The following PRKX variants were observed in gnomAD, a reference collection of about 807,000 sequenced individuals.
PRKX encodes protein kinase cAMP-dependent X-linked catalytic subunit.
PRKX carries 12 observed loss-of-function variants against 22.0 expected under a neutral mutation model. The observed-to-expected ratio is 0.54, with a 90% CI of 0.35 to 0.88. The LOEUF is 0.88. PRKX is among the 40% of genes least tolerant of loss of function. The pLI, the probability that PRKX is intolerant of heterozygous loss-of-function variation, is 0.01. For missense variants in PRKX, 217 were observed against 308.0 expected, an observed-to-expected ratio of 0.70 and a Z score of 2.21; for synonymous variants, 134 against 137.7, an observed-to-expected ratio of 0.97 and a Z score of 0.19.
chrX:3,609,398 T>C (rs985191147), intron 8 of PRKX, among the ~76,000 whole-genome samples: 11 of 111,778 alleles, frequency 9.8e-5, no homozygotes, highest in African/African-American at 3.6e-4. Context: ...TGACCTCAGA[T>C]GATCCATGCG....
chrX:3,702,149 T>C (rs1222627973), intron 1 of PRKX, among the ~76,000 whole-genome samples: 3 of 112,170 alleles, frequency 2.7e-5, no homozygotes, highest in African/African-American at 9.7e-5. Flanking sequence ...CCCTCCACTC[T>C]TGTCCTCTCA....
In PRKX at chrX:3,698,228, T is replaced by C. The variant is rs978744527; in HGVS notation, c.166+14860A>G. ...GCTGGGTGTACAACTACGGATCTTG[T>C]AGTGACTATCGTATATGCTGGCATA... On this transcript the variant is annotated intron_variant, in intron 1 of 8. Transcript: ENST00000262848. Among the ~76,000 whole-genome samples the C allele has an allele frequency of 4.5e-5, 5 of 112,014 alleles. No homozygotes were observed. The East Asian group carries it at 1.4e-3, about 31-fold the overall frequency.
In PRKX at chrX:3,698,509, TG is replaced by T. The variant is rs1421459688; in HGVS notation, c.166+14578del. Among the ~76,000 whole-genome samples the T allele has an allele frequency of 1.8e-3, 201 of 109,989 alleles. 2 individuals carry two copies. Among genetic ancestry groups the T allele is most frequent in the African/African-American group, 6.2e-3 (186 of 29,793 alleles). On this transcript the variant is annotated intron_variant, in intron 1 of 8. Transcript: ENST00000262848. ...GAAAAAGAAGTAGGTTTTCACTTTT[TG>T]TTGTTGTTGTTGTTGTTTTGTTTTT...
intron 5 of PRKX, among the ~76,000 whole-genome samples, chrX:3,622,184 A>G (rs1416577325): frequency 9.1e-6 from 1 of 109,794 alleles, no homozygotes; most frequent in Non-Finnish European, 1.9e-5. Context: ...ACAACAAAAA[A>G]CAGCAAGCTG....
chrX:3,672,543 T>G (rs751350106), intron 2 of PRKX, among the ~76,000 whole-genome samples: 8 of 111,243 alleles, frequency 7.2e-5, no homozygotes, highest in Non-Finnish European at 1.3e-4. Context: ...CCCACTCCCA[T>G]GTCCATGCGG....
At chrX:3,613,142 C>CT (rs746453695) in intron 7 of PRKX, among the ~76,000 whole-genome samples, 81 of 49,795 alleles carry the variant, frequency 1.6e-3, no homozygotes, top group Admixed American at 3.2e-3. Context: ...CGGAGCAAGA[C>CT]TTCGTCTCAA....
intron 1 of PRKX, among the ~76,000 whole-genome samples, chrX:3,699,070 T>C (rs1321208203): frequency 2.0e-5 from 2 of 102,049 alleles, no homozygotes; most frequent in Non-Finnish European, 4.0e-5. Context: ...AGAGTGTCAC[T>C]CTGTCGCCCA....
intron 2 of PRKX, among the ~76,000 whole-genome samples, chrX:3,666,899 C>A (rs1927741109): frequency 1.4e-5 from 1 of 72,344 alleles, no homozygotes. Context: ...CAGAGCAAGA[C>A]CTCATTTCTT....
At chrX:3,685,058 T>C (rs76959447) in intron 1 of PRKX, among the ~76,000 whole-genome samples, 17,783 of 110,551 alleles carry the variant, frequency 0.16, 1,149 homozygotes, top group East Asian at 0.38. Context: ...CTCAAGTGAT[T>C]CGCCTGCCTC....
rs1466869897 is a variant in PRKX, at chrX:3,671,070, T to C, written c.335+3528A>G. Among the ~76,000 whole-genome samples, 11 of 110,745 alleles carry C rather than the reference T, an allele frequency of 9.9e-5. 1 individual carries two copies. The highest frequency in any genetic ancestry group is 1.9e-4 in the Non-Finnish European group (10 of 53,034). ...ATTATTTTTTGAGACAAAGTCTTGC[T>C]CTGTCACCCAGGCTGCAGTGCAGTG... On this transcript the variant is annotated intron_variant, in intron 2 of 8. Transcript: ENST00000262848.
At chrX:3,668,397 A>C (rs1280270118) in intron 2 of PRKX, among the ~76,000 whole-genome samples, 1 of 111,249 alleles carries the variant, frequency 9.0e-6, no homozygotes, top group Non-Finnish European at 1.9e-5. Flanking sequence ...AAAATAAATA[A>C]ATAAATAAAA....
At position 3,612,164 on chromosome X, in the gene PRKX, T is replaced by C. The variant is rs149734060; in HGVS notation, c.*23+13A>G. On this transcript the variant is annotated intron_variant, in intron 8 of 8. Transcript: ENST00000262848. ...GTCTCATTTTTTGGGAATTACTAAA[T>C]ATAAAGATATACCTTCCAGATGTGA... The C allele has an allele frequency of 8.7e-4, 1,025 of 1,184,822 alleles. 8 individuals carry two copies. The African/African-American group carries it at 0.015, about 18-fold the overall frequency.
At chrX:3,654,044 T>TAC (rs1927420414) in intron 3 of PRKX, among the ~76,000 whole-genome samples, 1 of 82,997 alleles carries the variant, frequency 1.2e-5, no homozygotes, top group Non-Finnish European at 2.1e-5. Flanking sequence ...ATATATATAT[T>TAC]ATATATATTA....
At chrX:3,658,280 C>G (rs112919754) in intron 2 of PRKX, among the ~76,000 whole-genome samples, 2 of 109,991 alleles carry the variant, frequency 1.8e-5, no homozygotes, top group African/African-American at 6.6e-5. Flanking sequence ...CATGAGCCAC[C>G]GTGCCCGGTC....
intron 1 of PRKX, among the ~76,000 whole-genome samples, chrX:3,688,440 T>C (rs12857784): frequency 1.0e-5 from 1 of 100,487 alleles, no homozygotes; most frequent in Non-Finnish European, 2.1e-5. Context: ...AGCGAGACTC[T>C]GTCTCCAAAG....
intron 4 of PRKX, among the ~76,000 whole-genome samples, chrX:3,637,988 C>T (rs1221249245): frequency 9.0e-6 from 1 of 110,671 alleles, no homozygotes; most frequent in Non-Finnish European, 1.9e-5. Context: ...TCTCGAACTC[C>T]TGACCTCAGG....
chrX:3,682,155 C>T (rs1020445885), intron 1 of PRKX, among the ~76,000 whole-genome samples: 6 of 110,212 alleles, frequency 5.4e-5, no homozygotes, highest in African/African-American at 2.0e-4. Context: ...GGAGAAGGAC[C>T]GTGTCTCACT....
At chrX:3,698,065 C>T (rs760267138) in intron 1 of PRKX, among the ~76,000 whole-genome samples, 2 of 112,284 alleles carry the variant, frequency 1.8e-5, no homozygotes, top group East Asian at 5.6e-4. Flanking sequence ...CCACACAATG[C>T]GGCCATTCTT....
intron 4 of PRKX, among the ~76,000 whole-genome samples, chrX:3,637,159 A>G (rs186318645): frequency 1.8e-5 from 2 of 108,411 alleles, no homozygotes; most frequent in South Asian, 4.2e-4. Flanking sequence ...AAAAGAAAAG[A>G]AGGAGGAAGG....
Sources: gnomAD v4.1 joint callset for allele counts (sites outside exome capture counted in the v4.1 genomes callset) on GRCh38, gnomAD v4.1.1 for gene constraint, MANE v1.5 for transcripts, NCBI Gene and HGNC (gene_info 2026-07-23, HGNC 2026-07-21) for gene names.